Variants in ZNHIT6 observed in about 807,000 individuals in gnomAD.
ZNHIT6 encodes the protein zinc finger HIT-type containing 6.
A neutral mutation model predicts 57.2 loss-of-function variants in ZNHIT6; 45 were observed. The ratio of observed to expected loss-of-function variants is 0.79; its 90% confidence interval spans 0.62 to 1.01. The LOEUF (loss-of-function observed/expected upper bound fraction) is 1.01, where lower values mean the gene tolerates loss of function less well. Ranked by LOEUF, ZNHIT6 falls within the 50% of genes least tolerant of loss-of-function variation. ZNHIT6 has a pLI of 0.00. For synonymous variants in ZNHIT6, 188 were observed against 190.0 expected, an observed-to-expected ratio of 0.99 and a Z score of 0.09; for missense variants, 528 against 567.3, an observed-to-expected ratio of 0.93 and a Z score of 0.70.
chr1:85,683,976 C>G (rs1661954296), intron 5 of ZNHIT6, among the ~76,000 whole-genome samples: 2 of 152,060 alleles, frequency 1.3e-5, no homozygotes, highest in Admixed American at 1.3e-4. Flanking sequence ...TTGCAAATGT[C>G]CCCTGGAAGC....
At chr1:85,661,585 A>T (rs1166449527) in intron 8 of ZNHIT6, among the ~76,000 whole-genome samples, 1 of 152,186 alleles carries the variant, frequency 6.6e-6, no homozygotes, top group Non-Finnish European at 1.5e-5. Flanking sequence ...TTTCTGTATG[A>T]CCTTCAAATC....
intron 6 of ZNHIT6, among the ~76,000 whole-genome samples, chr1:85,679,844 C>T (rs1451861204): frequency 1.3e-5 from 2 of 152,160 alleles, no homozygotes; most frequent in African/African-American, 2.4e-5. Context: ...CTCGACCTCC[C>T]AAAGTGCTGG....
chr1:85,680,931 A>C (rs1349999064), intron 5 of ZNHIT6, 27 bp from the exon 6 acceptor site: 1 of 1,551,148 alleles, frequency 6.4e-7, no homozygotes, highest in Non-Finnish European at 8.8e-7. Context: ...TCATGTGAGA[A>C]TCAAGGTAGA....
intron 4 of ZNHIT6, among the ~76,000 whole-genome samples, chr1:85,704,083 A>T (rs1662612924): frequency 6.6e-6 from 1 of 152,224 alleles, no homozygotes; most frequent in African/African-American, 2.4e-5. Flanking sequence ...AAAATTACAA[A>T]GCCAACAGAT....
chr1:85,667,834 T>G (rs1460324521), intron 8 of ZNHIT6, among the ~76,000 whole-genome samples: 1 of 149,612 alleles, frequency 6.7e-6, no homozygotes, highest in Non-Finnish European at 1.5e-5. Flanking sequence ...CTTGGGAGGC[T>G]GAGGCACGAG....
At chr1:85,660,055 G>C (rs1266421934) in intron 8 of ZNHIT6, among the ~76,000 whole-genome samples, 2 of 152,002 alleles carry the variant, frequency 1.3e-5, no homozygotes, top group African/African-American at 4.8e-5. Flanking sequence ...AGCATTCAAG[G>C]ATTAAATGCT....
At chr1:85,702,008 T>C (rs181298172) in intron 5 of ZNHIT6, 149 bp downstream of exon 5, 139 of 583,520 alleles carry the variant, frequency 2.4e-4, no homozygotes, top group African/African-American at 2.2e-3. Context: ...TTACATGACA[T>C]ACAATTACTA....
At chr1:85,682,647 T>G (rs533334918) in intron 5 of ZNHIT6, among the ~76,000 whole-genome samples, 198 of 152,270 alleles carry the variant, frequency 1.3e-3, no homozygotes, top group African/African-American at 4.2e-3. Flanking sequence ...ATAAAAATAT[T>G]TCTATATTTG....
intron 4 of ZNHIT6, 92 bp downstream of exon 4, chr1:85,705,986 G>T: frequency 9.9e-7 from 1 of 1,014,688 alleles, no homozygotes; most frequent in Non-Finnish European, 1.4e-6. Context: ...CATCATGGTA[G>T]CCACTTAATA....
rs775621574 is a variant in ZNHIT6 at position 85,707,985 on chromosome 1, C to T, written c.300G>A (p.Glu100=). 6 of 1,614,026 alleles carry T rather than the reference C, an allele frequency of 3.7e-6. No homozygotes were observed. The highest frequency in any genetic ancestry group is 1.1e-5 in the South Asian group (1 of 91,086). ...CCTTCACCTCAGGCCTATCCTCCAC[C>T]TCCTGTTCTACCCACTGGCCAGCCA... The part of the protein sequence containing the change: ...GRLAGQWVEQ[E]VEDRPEVKDE... The change falls in exon 1 of 10, where the codon GAG becomes GAA. Residue 100 remains glutamate (E), a synonymous_variant. Coordinates refer to ENST00000370574, the MANE Select transcript of ZNHIT6 (RefSeq NM_017953.4).
chr1:85,706,362 A>G lies in ZNHIT6; in HGVS notation c.723-7T>C, dbSNP rs1286373100. On this transcript the variant is annotated splice_polypyrimidine_tract_variant and splice_region_variant and intron_variant, in intron 2 of 9. Transcript: ENST00000370574. The stretch of plus-strand genomic sequence containing the variant: ...TTTCTTTACACAGGGCAAACTGAAA[A>G]GACAAAGGGGAAGTACTTTTATATT... The G allele has an allele frequency of 6.2e-7, 1 of 1,613,840 alleles. No individual in the cohort carries two copies. Among genetic ancestry groups the G allele is most frequent in the Admixed American group, 1.7e-5 (1 of 59,960 alleles).
Position 85,708,358 on chromosome 1 carries a change from C to G in ZNHIT6, c.-74G>C, listed in dbSNP as rs965085693. The G allele has an allele frequency of 7.9e-6, 12 of 1,511,828 alleles. No homozygotes were observed. Among genetic ancestry groups the G allele is most frequent in the Middle Eastern group, 1.8e-4 (1 of 5,682 alleles). The allele number at this position is 1,511,828 out of a possible 1,614,324, so 93.7% of individuals were successfully genotyped here. Reference sequence around the variant, plus strand: ...TGCTGCACACCAATAGGAGGAATTACCGGTCGGAATACCTACGGCGGCCCA... The same window carrying G: ...TGCTGCACACCAATAGGAGGAATTAGCGGTCGGAATACCTACGGCGGCCCA... On this transcript the variant is annotated 5_prime_UTR_variant, in exon 1 of 10. Transcript: ENST00000370574.
At chr1:85,706,026 T>C in intron 4 of ZNHIT6, 52 bp downstream of exon 4, 1 of 1,323,498 alleles carries the variant, frequency 7.6e-7, no homozygotes, top group East Asian at 2.4e-5. Context: ...AAAAAAAGAA[T>C]CTAATTGATT....
rs1661526133 is a variant in ZNHIT6, at chr1:85,670,394, T to TA, written c.1247+6841dup. ...TTGCCCAAGCCCTGCTTAAGGGTAT[T>TA]AACGTGGCATCAATACCTAGCATAC... On this transcript the variant is annotated intron_variant, in intron 8 of 9. Coordinates refer to ENST00000370574, the MANE Select transcript of ZNHIT6 (RefSeq NM_017953.4). Among the ~76,000 whole-genome samples the TA allele has an allele frequency of 2.0e-5, 3 of 152,250 alleles. No homozygotes were observed. In the East Asian group the frequency reaches 5.8e-4, roughly 29 times the overall value.
intron 7 of ZNHIT6, among the ~76,000 whole-genome samples, chr1:85,678,157 T>C (rs891999626): frequency 6.6e-6 from 1 of 152,220 alleles, no homozygotes; most frequent in Non-Finnish European, 1.5e-5. Flanking sequence ...CTATGTTATG[T>C]TAACCACTTT....
At chr1:85,660,975 T>C (rs553253098) in intron 8 of ZNHIT6, among the ~76,000 whole-genome samples, 1 of 152,326 alleles carries the variant, frequency 6.6e-6, no homozygotes, top group South Asian at 2.1e-4. Flanking sequence ...GTCAGTAAGC[T>C]TCTGGGCCAC....
At chr1:85,680,723 A>C in intron 6 of ZNHIT6, 113 bp downstream of exon 6, 1 of 711,628 alleles carries the variant, frequency 1.4e-6, no homozygotes, top group Non-Finnish European at 2.3e-6. Context: ...TCATTGTATA[A>C]ATACACCACA....
At chr1:85,661,546 AT>A (rs2100650459) in intron 8 of ZNHIT6, among the ~76,000 whole-genome samples, 1 of 152,306 alleles carries the variant, frequency 6.6e-6, no homozygotes, top group South Asian at 2.1e-4. Flanking sequence ...CTTTATGTGC[AT>A]TTTGCATTTT....
At chr1:85,700,877 G>C (rs924717028) in intron 5 of ZNHIT6, among the ~76,000 whole-genome samples, 4 of 152,056 alleles carry the variant, frequency 2.6e-5, no homozygotes, top group African/African-American at 9.7e-5. Context: ...TGCAATCTTG[G>C]CTCACTGCAA....
Sources: gnomAD v4.1 joint callset for allele counts (sites outside exome capture counted in the v4.1 genomes callset) on GRCh38, gnomAD v4.1.1 for gene constraint, MANE v1.5 for transcripts, NCBI Gene and HGNC (gene_info 2026-07-23, HGNC 2026-07-21) for gene names.